ENO4: variants seen among roughly 807,000 people sequenced by gnomAD.
ENO4 encodes enolase 4, also known as 2-phospho-D-glycerate hydro-lyase.
In ENO4, 53 loss-of-function variants were observed where a neutral mutation model predicts 63.2. That is an observed-to-expected ratio of 0.84 (90% CI 0.67 to 1.05). The LOEUF is 1.05. Among genes scored for constraint, ENO4 ranks in the 50% least tolerant of loss-of-function variants. ENO4 has a pLI of 0.00. For synonymous variants in ENO4, 266 were observed against 283.8 expected (o/e 0.94, Z 0.63); for missense variants, 719 against 772.0 (o/e 0.93, Z 0.81).
exon 11 of ENO4, chr10:116,911,723 A>G: frequency 1.3e-6 from 2 of 1,581,540 alleles, no homozygotes; most frequent in Non-Finnish European, 1.7e-6. Flanking sequence ...TTCACAAAAA[A>G]CAGATTTTAA....
At chr10:116,873,569 A>C (rs1846754598) in intron 9 of ENO4, among the ~76,000 whole-genome samples, 3 of 152,312 alleles carry the variant, frequency 2.0e-5, no homozygotes, top group Non-Finnish European at 4.4e-5. Context: ...GAAATGCCTC[A>C]AATAAATCAC....
intron 9 of ENO4, among the ~76,000 whole-genome samples, chr10:116,872,505 T>A (rs978103603): frequency 6.6e-6 from 1 of 152,090 alleles, no homozygotes; most frequent in South Asian, 2.1e-4. Context: ...CTGCACACAC[T>A]CTCTCTTGCC....
rs56885650 is a variant in ENO4, at chr10:116,853,294, CAAAAAA to C, written c.166-2314_166-2309del. Reference sequence around the variant, plus strand: ...TGGGTGACAGAGTGAGACTCCGTCTCAAAAAAAAAAAAAAAAAAAACCAAAGCAGTA... The same window carrying C: ...TGGGTGACAGAGTGAGACTCCGTCTCAAAAAAAAAAAAAACCAAAGCAGTA... On this transcript the variant is annotated intron_variant, in intron 1 of 13. Transcript: ENST00000341276. 4.5e-3 allele frequency among the ~76,000 whole-genome samples: 440 copies of C among 96,820 alleles called. 1 individual carries two copies. Among genetic ancestry groups the C allele is most frequent in the Admixed American group, 8.2e-3 (67 of 8,124 alleles). The allele number at this position is 96,820 out of a possible 152,430, so 63.5% of individuals were successfully genotyped here.
intron 10 of ENO4, among the ~76,000 whole-genome samples, chr10:116,893,892 A>C (rs1230738247): frequency 6.6e-6 from 1 of 152,184 alleles, no homozygotes; most frequent in East Asian, 1.9e-4. Flanking sequence ...CTTTCATAGG[A>C]TTAGAGAAAG....
intron 9 of ENO4, among the ~76,000 whole-genome samples, chr10:116,872,330 T>C (rs1461702340): frequency 6.6e-6 from 1 of 152,188 alleles, no homozygotes; most frequent in African/African-American, 2.4e-5. Context: ...CTTCCTGATA[T>C]GGTTTGGCTG....
In ENO4 at chr10:116,856,515, G is replaced by A. The variant is rs992723309; in HGVS notation, c.318G>A (p.Ser106=). The part of the protein sequence containing the change: ...FPKNVCSVVI[S]THFEVHENAL... ...AGAACGTATGTTCTGTGGTGATCTCGACTCATTTTGAAGTCCATGAGAATG... is the reference window on the plus strand; with the variant it reads ...AGAACGTATGTTCTGTGGTGATCTCAACTCATTTTGAAGTCCATGAGAATG... Residue 106 remains serine, a synonymous_variant, in exon 3 of 14, where the codon TCG becomes TCA. Coordinates refer to ENST00000341276, the MANE Select transcript of ENO4 (RefSeq NM_001242699.2). 5.4e-5 allele frequency: 83 copies of A among 1,536,008 alleles called. No homozygotes were observed. In the East Asian group the frequency reaches 7.3e-4, roughly 14 times the overall value.
rs1847029695 is a variant in ENO4, at chr10:116,881,973, TCA to T, written c.*305_*306del. On this transcript the variant is annotated 3_prime_UTR_variant, in exon 14 of 14. Coordinates refer to ENST00000341276, the MANE Select transcript of ENO4 (RefSeq NM_001242699.2). ...AATATTTTTGTTGCCAACTCCACAC[TCA>T]GTCAAACACCCCATCCTTTACCAAT... 4.2e-6 allele frequency: 1 copy of T among 238,918 alleles called. No individual in the cohort carries two copies. Among genetic ancestry groups the T allele is most frequent in the Admixed American group, 5.6e-5 (1 of 17,914 alleles). 14.8% of individuals were successfully genotyped at this position (238,918 alleles called of 1,614,324 possible).
In ENO4 at chr10:116,906,662, C is replaced by T. The variant is rs764643872; in HGVS notation, c.1195-4837C>T. On this transcript the variant is annotated intron_variant, in intron 10 of 10. Coordinates refer to the ENO4 transcript ENST00000369207. ...TGCTTCTGCTGTCACCTTTCTGCGA[C>T]GCAAAATCCTTTCTAACTCAGTTTC... The T allele has an allele frequency of 2.4e-5, 38 of 1,613,370 alleles. No homozygotes were observed. Among genetic ancestry groups the T allele is most frequent in the Admixed American group, 2.2e-4 (13 of 59,958 alleles).
chr10:116,910,068 T>C (rs1848129426), intron 10 of ENO4, among the ~76,000 whole-genome samples: 1 of 152,166 alleles, frequency 6.6e-6, no homozygotes, highest in South Asian at 2.1e-4. Flanking sequence ...AAGACCCAAA[T>C]GTCTGGCAGG....
At chr10:116,911,429 A>G (rs1314846977) in intron 10 of ENO4, 1 of 1,535,206 alleles carries the variant, frequency 6.5e-7, no homozygotes, top group African/African-American at 1.4e-5. Context: ...TTAGGCTTCA[A>G]AGTAAAGCAT....
At chr10:116,862,992 C>G (rs1307983478) in intron 7 of ENO4, 140 bp downstream of exon 7, 8 of 654,226 alleles carry the variant, frequency 1.2e-5, no homozygotes, top group Non-Finnish European at 2.2e-5. Context: ...CCCCAAGAAC[C>G]AAGTGTATCC....
chr10:116,855,874 G>A, intron 2 of ENO4, 123 bp downstream of exon 2: 1 of 1,112,784 alleles, frequency 9.0e-7, no homozygotes, highest in Non-Finnish European at 1.2e-6. Flanking sequence ...TATTTCATAG[G>A]TAGTCATGTA....
At chr10:116,877,072 CACTAG>C (rs1846858527) in intron 11 of ENO4, among the ~76,000 whole-genome samples, 1 of 152,086 alleles carries the variant, frequency 6.6e-6, no homozygotes, top group African/African-American at 2.4e-5. Context: ...TACCCATCTG[CACTAG>C]CCAGGCTTCC....
chr10:116,849,692 C>T lies in ENO4; in HGVS notation c.126C>T (p.Ser42=). The change falls in exon 1 of 14, where the codon TCC becomes TCT. Residue 42 remains serine, a synonymous_variant. Transcript: ENST00000341276. ...GCAGGCTGGAAGAGCTGCTCAACTC[C>T]ACCTTCTACCTCCAGCCTGCCGACG... ...VPRRLEELLN[S]TFYLQPADVY... 1 of 1,545,558 alleles carries T rather than the reference C, an allele frequency of 6.5e-7. No homozygotes were observed. Among genetic ancestry groups the T allele is most frequent in the Non-Finnish European group, 8.7e-7 (1 of 1,144,520 alleles).
intron 10 of ENO4, among the ~76,000 whole-genome samples, chr10:116,888,785 G>A (rs1032597896): frequency 3.9e-5 from 6 of 152,154 alleles, no homozygotes; most frequent in South Asian, 2.1e-4. Context: ...CGGACCTTCC[G>A]AGGGTTAAAA....
chr10:116,897,622 G>A (rs1054958721), intron 10 of ENO4, among the ~76,000 whole-genome samples: 1 of 152,180 alleles, frequency 6.6e-6, no homozygotes, highest in Non-Finnish European at 1.5e-5. Context: ...GATAAGATAG[G>A]AAAGGAATTT....
At chr10:116,911,752 C>CT (rs1302258143) in exon 11 of ENO4, 1 of 1,580,870 alleles carries the variant, frequency 6.3e-7, no homozygotes, top group East Asian at 2.2e-5. Flanking sequence ...CCTTTCATTT[C>CT]CCCATTAGCT....
At position 116,881,723 on chromosome 10, in the gene ENO4, G is replaced by C; in HGVS notation, c.*54G>C. On this transcript the variant is annotated 3_prime_UTR_variant, in exon 14 of 14. Coordinates refer to ENST00000341276, the MANE Select transcript of ENO4 (RefSeq NM_001242699.2). ...ACCATCAGTATTAGTAGACCGGGAG[G>C]TCTGAAGTACGGCGCCGTGTCTCCA... 7.5e-7 allele frequency: 1 copy of C among 1,326,762 alleles called. No homozygotes were observed. Among genetic ancestry groups the C allele is most frequent in the South Asian group, 2.2e-5 (1 of 45,368 alleles). 82.2% of individuals were successfully genotyped at this position (1,326,762 alleles called of 1,614,324 possible).
At chr10:116,884,272 C>T (rs1197868075), downstream of ENO4, 5 of 459,124 alleles carry the variant, frequency 1.1e-5, no homozygotes, top group East Asian at 3.4e-4. Flanking sequence ...GTCACCCCAG[C>T]CAGGGGCAAA....
Sources: gnomAD v4.1 joint callset for allele counts (sites outside exome capture counted in the v4.1 genomes callset) on GRCh38, gnomAD v4.1.1 for gene constraint, MANE v1.5 for transcripts, NCBI Gene and HGNC (gene_info 2026-07-23, HGNC 2026-07-21) for gene names.